BRK1: variants seen among roughly 807,000 people sequenced by gnomAD.
The protein encoded by BRK1 is BRICK1 subunit of SCAR/WAVE actin nucleating complex.
BRK1 carries 6 observed loss-of-function variants against 9.9 expected under a neutral mutation model. The observed-to-expected ratio is 0.60, with a 90% CI of 0.33 to 1.19. The LOEUF (loss-of-function observed/expected upper bound fraction) is 1.19. Ranked by LOEUF, BRK1 falls within the 50% of genes most tolerant of loss-of-function variation. BRK1 has a pLI of 0.04. For synonymous variants in BRK1, 44 were observed against 31.9 expected, an observed-to-expected ratio of 1.38 and a Z score of -1.28; for missense variants, 62 against 97.5, an observed-to-expected ratio of 0.64 and a Z score of 1.53.
intron 1 of BRK1, among the ~76,000 whole-genome samples, chr3:10,119,692 C>CA (rs1695731777): frequency 6.6e-6 from 1 of 152,132 alleles, no homozygotes; most frequent in Admixed American, 6.6e-5. Flanking sequence ...CGTAATGTAG[C>CA]AAAAATATCA....
chr3:10,124,374 C>T (rs1248875635), intron 1 of BRK1, among the ~76,000 whole-genome samples: 2 of 151,680 alleles, frequency 1.3e-5, no homozygotes, highest in African/African-American at 4.8e-5. Flanking sequence ...GCAGGAGAAT[C>T]GCTTGAACCC....
chr3:10,117,363 A>G (rs1440173058), intron 1 of BRK1, among the ~76,000 whole-genome samples: 1 of 151,868 alleles, frequency 6.6e-6, no homozygotes, highest in Non-Finnish European at 1.5e-5. Context: ...GATAGAGAGT[A>G]AAGACTTTAT....
At chr3:10,116,832 A>G (rs1695692723) in intron 1 of BRK1, among the ~76,000 whole-genome samples, 1 of 152,262 alleles carries the variant, frequency 6.6e-6, no homozygotes, top group African/African-American at 2.4e-5. Flanking sequence ...GAGACACAGA[A>G]TAAGAACCAC....
chr3:10,126,125 G>A (rs752459958), intron 2 of BRK1, 144 bp from the exon 3 acceptor site: 4 of 588,414 alleles, frequency 6.8e-6, no homozygotes, highest in Non-Finnish European at 1.2e-5. Context: ...TAAGCATGTT[G>A]CCTGGATTTG....
intron 1 of BRK1, among the ~76,000 whole-genome samples, chr3:10,123,806 G>A (rs1297562033): frequency 3.9e-5 from 5 of 126,884 alleles, no homozygotes; most frequent in African/African-American, 1.5e-4. Context: ...TGCAATCCCA[G>A]CTCACTGCAA....
intron 1 of BRK1, among the ~76,000 whole-genome samples, chr3:10,120,235 C>G (rs1411658730): frequency 6.6e-6 from 1 of 151,714 alleles, no homozygotes; most frequent in African/African-American, 2.4e-5. Context: ...TGCTGTGTTG[C>G]CCAGGCTTGA....
intron 1 of BRK1, among the ~76,000 whole-genome samples, chr3:10,116,287 C>T (rs1307822988): frequency 6.6e-6 from 1 of 151,976 alleles, no homozygotes; most frequent in East Asian, 1.9e-4. Flanking sequence ...TTAGTTGGAC[C>T]CGTTGTCAAC....
At position 10,119,077 on chromosome 3, in the gene BRK1, G is replaced by A. The variant is rs1037199659; in HGVS notation, c.118+3258G>A. On this transcript the variant is annotated intron_variant, in intron 1 of 2. Coordinates refer to ENST00000530758, the MANE Select transcript of BRK1 (RefSeq NM_018462.5). ...CCTGGAGTGCAGTGGTGCGATCTCGGCTCACTGCAAGCTCTGCACTCGCGC... is the reference window on the plus strand; with the variant it reads ...CCTGGAGTGCAGTGGTGCGATCTCGACTCACTGCAAGCTCTGCACTCGCGC... Among the ~76,000 whole-genome samples the A allele has an allele frequency of 4.0e-5, 6 of 148,876 alleles. No homozygotes were observed. In the Admixed American group the frequency reaches 4.1e-4, roughly 10 times the overall value.
intron 1 of BRK1, among the ~76,000 whole-genome samples, chr3:10,121,818 T>C (rs1188813083): frequency 3.3e-5 from 5 of 151,066 alleles, no homozygotes; most frequent in Non-Finnish European, 7.4e-5. Context: ...CTGCCTCAGG[T>C]GATCCACCCA....
In BRK1 at chr3:10,119,682, C is replaced by T. The variant is rs146059549; in HGVS notation, c.118+3863C>T. ...CACGTGAACTTGAGGACATACAAAT[C>T]GTAATGTAGCAAAAATATCATAACA... On this transcript the variant is annotated intron_variant, in intron 1 of 2. Transcript: ENST00000530758. 8.5e-5 allele frequency among the ~76,000 whole-genome samples: 13 copies of T among 152,218 alleles called. No individual in the cohort carries two copies. In the East Asian group the frequency reaches 9.6e-4, roughly 11 times the overall value.
intron 2 of BRK1, among the ~76,000 whole-genome samples, chr3:10,126,039 C>T (rs375307844): frequency 2.0e-5 from 3 of 151,692 alleles, no homozygotes; most frequent in Admixed American, 1.3e-4. Context: ...TGCAGTGAGC[C>T]GAGATCACAC....
chr3:10,123,394 C>T (rs1273028161), intron 1 of BRK1, among the ~76,000 whole-genome samples: 3 of 151,834 alleles, frequency 2.0e-5, no homozygotes, highest in African/African-American at 7.3e-5. Flanking sequence ...TCACACCTTC[C>T]CTCCCCATAA....
chr3:10,115,914 C>T (rs28532206), intron 1 of BRK1, 95 bp downstream of exon 1: 2 of 973,060 alleles, frequency 2.1e-6, no homozygotes, highest in African/African-American at 1.6e-5. Context: ...ACTCCCGCAG[C>T]CTTCGGCTGT....
rs1419506219 is a variant in BRK1, at chr3:10,125,194, C to CT, written c.119-432_119-431insT. ...CTTGGCTCACTGCAACCTTTGCCCCCCCCGGTTCAAGTGATTTTCCTGCCT... is the reference window on the plus strand; with the variant it reads ...CTTGGCTCACTGCAACCTTTGCCCCCTCCCGGTTCAAGTGATTTTCCTGCCT... On this transcript the variant is annotated intron_variant, in intron 1 of 2. Coordinates refer to ENST00000530758, the MANE Select transcript of BRK1 (RefSeq NM_018462.5). 6.6e-5 allele frequency among the ~76,000 whole-genome samples: 10 copies of CT among 151,748 alleles called. No individual in the cohort carries two copies. In the East Asian group the frequency reaches 1.2e-3, roughly 18 times the overall value.
rs1025092835 is a variant in BRK1 at position 10,126,620 on chromosome 3, T to C, written c.*325T>C. On this transcript the variant is annotated 3_prime_UTR_variant, in exon 3 of 3. Coordinates refer to ENST00000530758, the MANE Select transcript of BRK1 (RefSeq NM_018462.5). ...TGAAGGTCCTCCTCACCTCTATCTTTCTTTCTCTCTCTCTCAAACTTTCCT... is the reference window on the plus strand; with the variant it reads ...TGAAGGTCCTCCTCACCTCTATCTTCCTTTCTCTCTCTCTCAAACTTTCCT... 3.7e-6 allele frequency: 1 copy of C among 273,770 alleles called. No individual in the cohort carries two copies. The highest frequency in any genetic ancestry group is 2.2e-5 in the African/African-American group (1 of 45,014). The allele number at this position is 273,770 out of a possible 1,614,324, so 17.0% of individuals were successfully genotyped here.
rs1695842641 is a variant in BRK1 at position 10,126,489 on chromosome 3, G to C, written c.*194G>C. ...GTGGTATGTGGGAAGAAGTTCAGAG[G>C]AACCGTTGGAAACGACGTTAGGCAT... On this transcript the variant is annotated 3_prime_UTR_variant, in exon 3 of 3. Transcript: ENST00000530758. 2.0e-6 allele frequency: 1 copy of C among 489,182 alleles called. No individual in the cohort carries two copies. The highest frequency in any genetic ancestry group is 3.6e-6 in the Non-Finnish European group (1 of 275,862). The allele number at this position is 489,182 out of a possible 1,614,324, so 30.3% of individuals were successfully genotyped here. A position where few individuals can be genotyped will look rare whatever the true frequency, so the allele number is the denominator to read the frequency against.
At position 10,126,429 on chromosome 3, in the gene BRK1, G is replaced by A; in HGVS notation, c.*134G>A. 1 of 857,374 alleles carries A rather than the reference G, an allele frequency of 1.2e-6. No individual in the cohort carries two copies. The highest frequency in any genetic ancestry group is 1.8e-6 in the Non-Finnish European group (1 of 552,532). 53.1% of individuals were successfully genotyped at this position (857,374 alleles called of 1,614,324 possible). On this transcript the variant is annotated 3_prime_UTR_variant, in exon 3 of 3. Transcript: ENST00000530758. ...TATTCTTGTTTTTCTTTTTTCAAAA[G>A]TGTGGCCTTTGGGCTCTGCCATCTG...
intron 1 of BRK1, among the ~76,000 whole-genome samples, chr3:10,117,515 T>G (rs888446658): frequency 6.0e-5 from 9 of 149,124 alleles, no homozygotes; most frequent in South Asian, 2.2e-4. Context: ...TGCCCCCGCC[T>G]CCTGAGTAGC....
chr3:10,124,315 C>T (rs1266501863), intron 1 of BRK1, among the ~76,000 whole-genome samples: 1 of 138,908 alleles, frequency 7.2e-6, no homozygotes, highest in Non-Finnish European at 1.7e-5. Context: ...AAAAAATTAG[C>T]TGGGCATGGT....
Sources: allele counts gnomAD v4.1 joint callset (sites outside exome capture counted in the v4.1 genomes callset), GRCh38; gene constraint gnomAD v4.1.1; transcripts MANE v1.5; gene names NCBI Gene and HGNC (gene_info 2026-07-23, HGNC 2026-07-21).